FRMD5: variants seen among roughly 807,000 people sequenced by gnomAD.
The protein encoded by FRMD5 is FERM domain-containing protein 5.
A neutral mutation model predicts 69.0 loss-of-function variants in FRMD5; 20 were observed. The observed-to-expected ratio is 0.29, with a 90% CI of 0.20 to 0.42. The LOEUF is 0.42. Ranked by LOEUF, FRMD5 falls within the 10% of genes least tolerant of loss-of-function variation. The probability of loss-of-function intolerance (pLI) is 1.00; values close to 1 mark genes in which losing one functional copy is unlikely to be tolerated. For missense variants in FRMD5, 595 were observed against 708.6 expected (o/e 0.84, Z 1.82); for synonymous variants, 271 against 260.1 (o/e 1.04, Z -0.40).
Position 43,879,900 on chromosome 15 carries a change from C to G in FRMD5, c.1135+3803G>C, listed in dbSNP as rs528944809. 53 of 367,484 alleles carry G rather than the reference C, an allele frequency of 1.4e-4. 1 individual carries two copies. In the Admixed American group the frequency reaches 2.3e-3, roughly 16 times the overall value. The allele number at this position is 367,484 out of a possible 1,614,324, so 22.8% of individuals were successfully genotyped here. A position where few individuals can be genotyped will look rare whatever the true frequency, so the allele number is the denominator to read the frequency against. On this transcript the variant is annotated intron_variant, in intron 13 of 13. Coordinates refer to ENST00000417257, the MANE Select transcript of FRMD5 (RefSeq NM_032892.5). Reference sequence around the variant, plus strand: ...GCTGAACTGCAGGGAAGGAGCAGCTCTGAGAGGCCACCGTTATCAGGGGAC... The same window carrying G: ...GCTGAACTGCAGGGAAGGAGCAGCTGTGAGAGGCCACCGTTATCAGGGGAC...
At chr15:43,922,062 C>G (rs1461056616) in intron 2 of FRMD5, among the ~76,000 whole-genome samples, 1 of 152,196 alleles carries the variant, frequency 6.6e-6, no homozygotes, top group Non-Finnish European at 1.5e-5. Flanking sequence ...CTACAGGTCC[C>G]CATTTCCCTA....
intron 1 of FRMD5, among the ~76,000 whole-genome samples, chr15:44,059,520 TTTC>T (rs1490344244): frequency 2.0e-5 from 3 of 152,184 alleles, no homozygotes; most frequent in African/African-American, 7.2e-5. Flanking sequence ...TATTTCTTTC[TTTC>T]TTTTTTGAGA....
chr15:44,012,548 A>T (rs2140218699), intron 1 of FRMD5, among the ~76,000 whole-genome samples: 1 of 152,334 alleles, frequency 6.6e-6, no homozygotes, highest in East Asian at 1.9e-4. Context: ...GCCTCTTTCA[A>T]AACCGGTCAC....
At chr15:43,888,334 C>T in intron 9 of FRMD5, 68 bp from the exon 10 acceptor site, 1 of 1,119,098 alleles carries the variant, frequency 8.9e-7, no homozygotes, top group Non-Finnish European at 1.3e-6. Context: ...TAGGCGAGGA[C>T]CCTGACCCCA....
chr15:43,876,441 G>C (rs924773926), intron 13 of FRMD5, among the ~76,000 whole-genome samples: 3 of 152,168 alleles, frequency 2.0e-5, no homozygotes, highest in African/African-American at 7.2e-5. Context: ...AGCACTTTGG[G>C]AGGCCAAGGC....
chr15:43,993,447 C>A (rs547458584), intron 1 of FRMD5, among the ~76,000 whole-genome samples: 1 of 152,168 alleles, frequency 6.6e-6, no homozygotes, highest in Non-Finnish European at 1.5e-5. Flanking sequence ...CCCGCCTTGG[C>A]CTCCCAAAGT....
chr15:44,198,635 G>A (rs1259053698), upstream of FRMD5, among the ~76,000 whole-genome samples: 1 of 151,368 alleles, frequency 6.6e-6, no homozygotes, highest in African/African-American at 2.4e-5. Flanking sequence ...AGAATCAATT[G>A]AGCCAGGAGC....
intron 1 of FRMD5, among the ~76,000 whole-genome samples, chr15:44,089,442 G>C (rs575455618): frequency 6.6e-6 from 1 of 151,992 alleles, no homozygotes; most frequent in African/African-American, 2.4e-5. Context: ...GGTGGTCCCC[G>C]CCTGTAATCC....
At chr15:44,040,991 G>GAAAAAAAA (rs1892161384) in intron 1 of FRMD5, among the ~76,000 whole-genome samples, 1 of 20,886 alleles carries the variant, frequency 4.8e-5, no homozygotes, top group Admixed American at 7.5e-4. Context: ...GAAATGGAAA[G>GAAAAAAAA]CAAAAAAAAA....
intron 8 of FRMD5, among the ~76,000 whole-genome samples, chr15:43,890,141 A>G (rs1309531784): frequency 3.3e-5 from 5 of 152,178 alleles, no homozygotes; most frequent in Non-Finnish European, 7.3e-5. Flanking sequence ...TCAATCAACC[A>G]TCAATCTCAT....
intron 1 of FRMD5, among the ~76,000 whole-genome samples, chr15:43,937,226 T>C (rs570511989): frequency 2.6e-5 from 4 of 152,330 alleles, no homozygotes; most frequent in East Asian, 3.9e-4. Context: ...CATAGGATCA[T>C]TGGGCTTCAG....
At chr15:44,190,765 T>C (rs1220385963) in intron 1 of FRMD5, among the ~76,000 whole-genome samples, 4 of 152,274 alleles carry the variant, frequency 2.6e-5, no homozygotes, top group Non-Finnish European at 5.9e-5. Context: ...ATAAGAAAAT[T>C]TGAAGTGAAG....
At chr15:44,132,376 T>C (rs2077113899) in intron 1 of FRMD5, among the ~76,000 whole-genome samples, 1 of 152,124 alleles carries the variant, frequency 6.6e-6, no homozygotes, top group Non-Finnish European at 1.5e-5. Flanking sequence ...TTTTACAAGA[T>C]GAGAAGAGTT....
At chr15:43,941,298 T>C (rs1034883674) in intron 1 of FRMD5, among the ~76,000 whole-genome samples, 1 of 152,170 alleles carries the variant, frequency 6.6e-6, no homozygotes. Context: ...GTTGCCCACG[T>C]TGGGGTGTAG....
At chr15:43,955,496 G>C (rs997699272) in intron 1 of FRMD5, among the ~76,000 whole-genome samples, 5 of 152,208 alleles carry the variant, frequency 3.3e-5, no homozygotes, top group Non-Finnish European at 7.3e-5. Flanking sequence ...ATTTCTTATT[G>C]ATGAGATTTC....
intron 1 of FRMD5, among the ~76,000 whole-genome samples, chr15:44,077,324 G>A (rs1012589381): frequency 1.3e-5 from 2 of 152,050 alleles, no homozygotes; most frequent in African/African-American, 4.8e-5. Flanking sequence ...TATTACTAGA[G>A]TAGCTTGAGG....
intron 1 of FRMD5, among the ~76,000 whole-genome samples, chr15:43,972,860 A>T (rs1381621610): frequency 1.3e-5 from 2 of 152,208 alleles, no homozygotes; most frequent in Non-Finnish European, 2.9e-5. Context: ...GAAGGATAAG[A>T]GATCAACTCC....
chr15:43,876,005 GC>G, intron 13 of FRMD5: 1 of 1,300,450 alleles, frequency 7.7e-7, no homozygotes, highest in Non-Finnish European at 1.1e-6. Context: ...AACCCAAGAC[GC>G]CCCCTTGCCT....
chr15:44,193,827 T>C (rs1296125471), intron 1 of FRMD5, among the ~76,000 whole-genome samples: 1 of 152,026 alleles, frequency 6.6e-6, no homozygotes, highest in Non-Finnish European at 1.5e-5. Context: ...CAAAAATAAA[T>C]AAATAAGGAG....
Sources: gnomAD v4.1 joint callset for allele counts (sites outside exome capture counted in the v4.1 genomes callset) on GRCh38, gnomAD v4.1.1 for gene constraint, MANE v1.5 for transcripts, NCBI Gene and HGNC (gene_info 2026-07-23, HGNC 2026-07-21) for gene names.